The following DLG2 variants were observed in gnomAD, a reference collection of about 807,000 sequenced individuals.
DLG2 encodes the protein disks large homolog 2.
In DLG2, 45 loss-of-function variants were observed where a neutral mutation model predicts 132.5. The ratio of observed to expected loss-of-function variants is 0.34; its 90% CI spans 0.27 to 0.44. The LOEUF is 0.44. DLG2 is among the 20% of genes least tolerant of loss of function. The probability of loss-of-function intolerance (pLI) is 1.00; values close to 1 mark genes in which losing one functional copy is unlikely to be tolerated. For missense variants in DLG2, 1,045 were observed against 1,196.9 expected, an observed-to-expected ratio of 0.87 and a Z score of 1.87; for synonymous variants, 424 against 419.6, an observed-to-expected ratio of 1.01 and a Z score of -0.13.
At chr11:84,156,877 A>T (rs1482262171) in intron 9 of DLG2, among the ~76,000 whole-genome samples, 1 of 152,238 alleles carries the variant, frequency 6.6e-6, no homozygotes, top group Non-Finnish European at 1.5e-5. Flanking sequence ...CTCTCCAGAT[A>T]TCAAAATAAC....
chr11:85,212,153 A>G (rs2082293892), intron 4 of DLG2, among the ~76,000 whole-genome samples: 1 of 152,098 alleles, frequency 6.6e-6, no homozygotes, highest in Admixed American at 6.6e-5. Context: ...TTACAAATAA[A>G]GAAGAGTAGT....
intron 6 of DLG2, among the ~76,000 whole-genome samples, chr11:84,694,115 C>G (rs2058361246): frequency 6.6e-6 from 1 of 151,464 alleles, no homozygotes; most frequent in Non-Finnish European, 1.5e-5. Flanking sequence ...TCATAGGAGC[C>G]AAACAAGTAT....
At chr11:83,583,982 C>A (rs1325382109) in intron 19 of DLG2, among the ~76,000 whole-genome samples, 1 of 152,076 alleles carries the variant, frequency 6.6e-6, no homozygotes, top group African/African-American at 2.4e-5. Flanking sequence ...TATTTTTTTT[C>A]TATAATTAAC....
chr11:83,938,725 T>G (rs1403815035), intron 14 of DLG2, among the ~76,000 whole-genome samples: 1 of 152,206 alleles, frequency 6.6e-6, no homozygotes, highest in East Asian at 1.9e-4. Flanking sequence ...CTTTGTTTGT[T>G]GAACAAACAT....
rs1007820037 is a variant in DLG2 at position 84,595,794 on chromosome 11, T to G, written c.358-61063A>C. ...CACAAAATCATCCAAATACTGCAGA[T>G]GCTTTCTTGGTTTTAAAGTCACAGA... On this transcript the variant is annotated intron_variant, in intron 6 of 27. Transcript: ENST00000376104. Among the ~76,000 whole-genome samples the G allele has an allele frequency of 2.0e-5, 3 of 152,360 alleles. No homozygotes were observed. In the South Asian group the frequency reaches 6.2e-4, roughly 32 times the overall value.
chr11:84,295,614 G>C (rs944247258), intron 7 of DLG2, among the ~76,000 whole-genome samples: 18 of 152,090 alleles, frequency 1.2e-4, no homozygotes, highest in African/African-American at 4.3e-4. Context: ...TTTTATAGTT[G>C]AGATGTAGAC....
intron 11 of DLG2, among the ~76,000 whole-genome samples, chr11:84,019,203 G>T (rs2095313459): frequency 6.6e-6 from 1 of 152,036 alleles, no homozygotes; most frequent in Admixed American, 6.6e-5. Context: ...ATGCCGTTCA[G>T]TATTCTCTAT....
At chr11:83,762,989 G>A (rs1445598161) in intron 18 of DLG2, among the ~76,000 whole-genome samples, 5 of 152,110 alleles carry the variant, frequency 3.3e-5, no homozygotes. Flanking sequence ...GTTATTTTCT[G>A]TTCCCATCTG....
chr11:84,251,364 T>C, intron 7 of DLG2, 73 bp from the exon 8 acceptor site: 1 of 1,184,078 alleles, frequency 8.4e-7, no homozygotes, highest in African/African-American at 1.6e-5. Flanking sequence ...TGTTAACTTA[T>C]TTAACAAAGA....
intron 11 of DLG2, among the ~76,000 whole-genome samples, chr11:83,987,237 G>A (rs1420790007): frequency 6.6e-6 from 1 of 152,002 alleles, no homozygotes; most frequent in Non-Finnish European, 1.5e-5. Context: ...CTCATGGGTA[G>A]GAAGAATCAA....
At chr11:85,381,633 GGAACTAATAAAT>G (rs2085898342) in intron 3 of DLG2, among the ~76,000 whole-genome samples, 1 of 151,570 alleles carries the variant, frequency 6.6e-6, no homozygotes, top group Non-Finnish European at 1.5e-5. Context: ...AGAAACTATT[GGAACTAATAAAT>G]GAGTTCAGCA....
intron 6 of DLG2, among the ~76,000 whole-genome samples, chr11:84,791,334 G>A (rs1396490329): frequency 6.6e-6 from 1 of 152,110 alleles, no homozygotes; most frequent in Non-Finnish European, 1.5e-5. Flanking sequence ...CCGTGCTATT[G>A]TGGTTACTAT....
At chr11:84,321,297 C>T (rs771577181) in intron 7 of DLG2, among the ~76,000 whole-genome samples, 1 of 152,180 alleles carries the variant, frequency 6.6e-6, no homozygotes, top group Non-Finnish European at 1.5e-5. Context: ...TAACTGGTCT[C>T]TCGCATACAC....
intron 11 of DLG2, among the ~76,000 whole-genome samples, chr11:84,034,464 T>C (rs2095804941): frequency 6.6e-6 from 1 of 152,176 alleles, no homozygotes; most frequent in Non-Finnish European, 1.5e-5. Flanking sequence ...CTCTGAGGTA[T>C]GCATATATAA....
intron 14 of DLG2, among the ~76,000 whole-genome samples, chr11:83,943,953 A>G (rs1229189801): frequency 6.6e-6 from 1 of 152,168 alleles, no homozygotes; most frequent in Non-Finnish European, 1.5e-5. Context: ...CTGCTACAGG[A>G]TTAAATGAGA....
At chr11:83,593,645 A>G (rs1468708735) in intron 19 of DLG2, among the ~76,000 whole-genome samples, 2 of 151,038 alleles carry the variant, frequency 1.3e-5, no homozygotes, top group East Asian at 3.9e-4. Context: ...AAAGTATAAT[A>G]AAAAAAAGAA....
At chr11:84,002,410 A>G (rs2094396965) in intron 11 of DLG2, among the ~76,000 whole-genome samples, 1 of 152,052 alleles carries the variant, frequency 6.6e-6, no homozygotes, top group Non-Finnish European at 1.5e-5. Flanking sequence ...GCCCTATCAT[A>G]GGTTCTCCAT....
intron 6 of DLG2, among the ~76,000 whole-genome samples, chr11:85,086,489 G>GA (rs1593920834): frequency 6.6e-6 from 1 of 152,142 alleles, no homozygotes; most frequent in East Asian, 1.9e-4. Flanking sequence ...CCTAGAGGAA[G>GA]AAAAAAATAA....
intron 6 of DLG2, among the ~76,000 whole-genome samples, chr11:84,575,344 C>G (rs2099496827): frequency 6.6e-6 from 1 of 151,988 alleles, no homozygotes; most frequent in Non-Finnish European, 1.5e-5. Flanking sequence ...CCCCATGGAG[C>G]ATTCACACAT....
Sources: allele counts gnomAD v4.1 joint callset (sites outside exome capture counted in the v4.1 genomes callset), GRCh38; gene constraint gnomAD v4.1.1; transcripts MANE v1.5; gene names NCBI Gene and HGNC (gene_info 2026-07-23, HGNC 2026-07-21).